The following DENND5A variants were observed in gnomAD, a reference collection of about 807,000 sequenced individuals.
DENND5A encodes DENN domain containing 5A.
In DENND5A, 64 loss-of-function variants were observed where a neutral mutation model predicts 140.3. That is an observed-to-expected ratio of 0.46 (90% confidence interval 0.37 to 0.56). The LOEUF (loss-of-function observed/expected upper bound fraction) is 0.56, where lower values mean the gene tolerates loss of function less well. DENND5A is among the 20% of genes least tolerant of loss of function. DENND5A has a pLI of 0.00. For synonymous variants in DENND5A, 605 were observed against 607.7 expected, an observed-to-expected ratio of 1.00 and a Z score of 0.07; for missense variants, 1,292 against 1,593.8, an observed-to-expected ratio of 0.81 and a Z score of 3.22.
chr11:9,142,996 G>A, intron 20 of DENND5A, 151 bp from the exon 21 acceptor site: 1 of 948,264 alleles, frequency 1.1e-6, no homozygotes, highest in Non-Finnish European at 1.5e-6. Context: ...CACAGTGCCT[G>A]GCTCAGAGCA....
At chr11:9,220,626 C>T (rs1850272729) in intron 1 of DENND5A, among the ~76,000 whole-genome samples, 1 of 151,916 alleles carries the variant, frequency 6.6e-6, no homozygotes, top group Non-Finnish European at 1.5e-5. Flanking sequence ...GCACAGGTGG[C>T]TCACACCTAT....
intron 1 of DENND5A, among the ~76,000 whole-genome samples, chr11:9,260,417 G>A (rs759780145): frequency 7.6e-4 from 115 of 152,122 alleles, no homozygotes; most frequent in Non-Finnish European, 1.2e-3. Flanking sequence ...AGATTCACCA[G>A]GACATTCGCC....
intron 11 of DENND5A, 43 bp from the exon 12 acceptor site, chr11:9,160,908 A>G (rs767703943): frequency 1.9e-6 from 3 of 1,597,622 alleles, no homozygotes; most frequent in Middle Eastern, 1.7e-4. Context: ...CACAGTGAGC[A>G]GGATTACATA....
chr11:9,234,021 T>C lies in DENND5A; in HGVS notation c.110-26389A>G, dbSNP rs551431979. On this transcript the variant is annotated intron_variant, in intron 1 of 22. Coordinates refer to ENST00000328194, the MANE Select transcript of DENND5A (RefSeq NM_015213.4). ...GGTGAAACCCCGTCTCTACTAAAAA[T>C]ACAAAAATTAGCCGGGCATGGTAGC... Among the ~76,000 whole-genome samples the C allele has an allele frequency of 1.7e-3, 262 of 151,812 alleles. 2 individuals carry two copies. The highest frequency in any genetic ancestry group is 6.2e-3 in the African/African-American group (255 of 41,384).
intron 1 of DENND5A, among the ~76,000 whole-genome samples, chr11:9,248,580 G>T (rs1360796625): frequency 1.3e-5 from 2 of 151,940 alleles, no homozygotes; most frequent in Non-Finnish European, 2.9e-5. Context: ...CTTGAACCTG[G>T]GAGGTCTAGG....
At chr11:9,179,202 C>A in intron 6 of DENND5A, 129 bp from the exon 7 acceptor site, 7 of 737,124 alleles carry the variant, frequency 9.5e-6, no homozygotes, top group Admixed American at 3.0e-5. Context: ...ATGATGAGAA[C>A]AAAAGAGGAA....
rs1175564514 is a variant in DENND5A at position 9,150,201 on chromosome 11, T to C, written c.2615A>G (p.Gln872Arg). ...ISLIQDMRHI[Q>R]NIGEIKTDVG... ...ATCAGTCTTGATTTCCCCGATGTTC[T>C]GGATGTGCCTGGAGGAAGAATGTAA... The change falls in exon 15 of 23, where the codon CAG (glutamine) becomes CGG (arginine). Residue 872 changes from glutamine (Q) to arginine (R), a missense_variant. Gln to Arg is a conservative substitution (Grantham distance 43). Coordinates refer to ENST00000328194, the MANE Select transcript of DENND5A (RefSeq NM_015213.4). 23 of 1,613,572 alleles carry C rather than the reference T, an allele frequency of 1.4e-5. No homozygotes were observed. Among genetic ancestry groups the C allele is most frequent in the Non-Finnish European group, 1.9e-5 (23 of 1,179,710 alleles).
intron 1 of DENND5A, among the ~76,000 whole-genome samples, chr11:9,208,116 T>C (rs538440140): frequency 6.6e-6 from 1 of 152,338 alleles, no homozygotes; most frequent in South Asian, 2.1e-4. Context: ...GTGAAATCTA[T>C]ACCTGTTTAC....
intron 15 of DENND5A, among the ~76,000 whole-genome samples, chr11:9,147,476 G>T (rs72857976): frequency 0.014 from 2,087 of 152,322 alleles, 19 homozygotes; most frequent in Middle Eastern, 0.031. Flanking sequence ...GATGACACAG[G>T]TCTTCTCAGG....
chr11:9,262,376 TA>T (rs1007546735), intron 1 of DENND5A, among the ~76,000 whole-genome samples: 9 of 152,132 alleles, frequency 5.9e-5, no homozygotes, highest in African/African-American at 2.2e-4. Flanking sequence ...AAAACACGCA[TA>T]AAAAAAAGTT....
At chr11:9,145,261 C>A (rs1847388407) in intron 17 of DENND5A, 148 bp from the exon 18 acceptor site, 1 of 656,888 alleles carries the variant, frequency 1.5e-6, no homozygotes, top group African/African-American at 1.8e-5. Context: ...ACCGCCAGAA[C>A]TGCGGTACAG....
At chr11:9,142,643 G>C (rs1305741811) in intron 21 of DENND5A, 79 bp downstream of exon 21, 12 of 1,571,880 alleles carry the variant, frequency 7.6e-6, no homozygotes, top group Non-Finnish European at 5.2e-6. Context: ...TCTCAGAGTG[G>C]TCAGCACCCA....
intron 3 of DENND5A, among the ~76,000 whole-genome samples, chr11:9,206,156 C>T (rs1849685111): frequency 6.6e-6 from 1 of 152,110 alleles, no homozygotes; most frequent in African/African-American, 2.4e-5. Flanking sequence ...GAGTGCCTAG[C>T]ACAAGGTGAA....
At chr11:9,226,496 G>GT (rs1486314041) in intron 1 of DENND5A, among the ~76,000 whole-genome samples, 1 of 151,988 alleles carries the variant, frequency 6.6e-6, no homozygotes, top group Non-Finnish European at 1.5e-5. Flanking sequence ...AATCTTCAAG[G>GT]TTTTTTGTTT....
At chr11:9,172,373 A>C (rs547608335) in intron 8 of DENND5A, 2 of 152,344 alleles carry the variant, frequency 1.3e-5, no homozygotes, top group South Asian at 4.1e-4. Flanking sequence ...TTGTATATAG[A>C]GAAGATCAAA....
At chr11:9,207,965 C>T (rs943431304) in intron 1 of DENND5A, among the ~76,000 whole-genome samples, 3 of 152,160 alleles carry the variant, frequency 2.0e-5, no homozygotes, top group African/African-American at 7.2e-5. Flanking sequence ...TATAAAGTCA[C>T]TAGTGCTTTA....
rs1590198361 is a variant in DENND5A at position 9,139,472 on chromosome 11, C to T, written c.*199G>A. The T allele has an allele frequency of 5.1e-6, 3 of 589,224 alleles. No individual in the cohort carries two copies. In the East Asian group the frequency reaches 8.8e-5, roughly 17 times the overall value. The allele number at this position is 589,224 out of a possible 1,614,324, so 36.5% of individuals were successfully genotyped here. ...GCTCCCTCTCCCTATCACTCTTTCA[C>T]ATGAAAGTGTGTAAAAAGCAAATCA... On this transcript the variant is annotated 3_prime_UTR_variant, in exon 23 of 23. Transcript: ENST00000328194.
At chr11:9,202,895 C>T (rs540506478) in intron 4 of DENND5A, among the ~76,000 whole-genome samples, 4 of 152,262 alleles carry the variant, frequency 2.6e-5, no homozygotes, top group Non-Finnish European at 5.9e-5. Context: ...TCCCCAAATA[C>T]TATCCCTTTC....
chr11:9,158,842 G>C (rs1847890641), intron 12 of DENND5A, among the ~76,000 whole-genome samples: 1 of 152,132 alleles, frequency 6.6e-6, no homozygotes, highest in Non-Finnish European at 1.5e-5. Context: ...ACTTCATTGA[G>C]ATATAATTCA....
Sources: gnomAD v4.1 joint callset for allele counts (sites outside exome capture counted in the v4.1 genomes callset) on GRCh38, gnomAD v4.1.1 for gene constraint, MANE v1.5 for transcripts, NCBI Gene and HGNC (gene_info 2026-07-23, HGNC 2026-07-21) for gene names.